DGKB: variants seen among roughly 807,000 people sequenced by gnomAD.
The protein encoded by DGKB is diacylglycerol kinase beta, also known as 90 kDa diacylglycerol kinase.
DGKB carries 67 observed loss-of-function variants against 114.3 expected under a neutral mutation model. The observed-to-expected ratio is 0.59, with a 90% CI of 0.48 to 0.72. DGKB has a LOEUF of 0.72. Ranked by LOEUF, DGKB falls within the 30% of genes least tolerant of loss-of-function variation. DGKB has a pLI of 0.00. For missense variants in DGKB, 907 were observed against 975.2 expected (o/e 0.93, Z 0.93); for synonymous variants, 398 against 323.1 (o/e 1.23, Z -2.49).
intron 23 of DGKB, among the ~76,000 whole-genome samples, chr7:14,260,050 AAAC>A (rs774180415): frequency 1.4e-4 from 21 of 150,986 alleles, no homozygotes; most frequent in Non-Finnish European, 2.8e-4. Flanking sequence ...TGCAGATTAA[AAAC>A]AAATTAAAAC....
intron 2 of DGKB, among the ~76,000 whole-genome samples, chr7:14,781,622 G>T (rs1839103374): frequency 6.6e-6 from 1 of 152,080 alleles, no homozygotes; most frequent in South Asian, 2.1e-4. Flanking sequence ...AGTTGTAATA[G>T]AAATTACTCA....
At chr7:14,773,014 A>G (rs1837642170) in intron 2 of DGKB, among the ~76,000 whole-genome samples, 1 of 152,158 alleles carries the variant, frequency 6.6e-6, no homozygotes, top group East Asian at 1.9e-4. Context: ...CTTGTCTCCT[A>G]TGTTGCTTTG....
In DGKB at chr7:14,736,036, C is replaced by T. The variant is rs747939036; in HGVS notation, c.322+5G>A. ...TATATAAATGTTTAAAGTAAGTAAA[C>T]TTACCGCCTGATAGGAGAGCAGGCT... On this transcript the variant is annotated splice_donor_5th_base_variant and intron_variant, in intron 5 of 25. Coordinates refer to ENST00000402815, the MANE Select transcript of DGKB (RefSeq NM_001350709.2). The T allele has an allele frequency of 6.4e-7, 1 of 1,570,488 alleles. No individual in the cohort carries two copies. The highest frequency in any genetic ancestry group is 8.6e-7 in the Non-Finnish European group (1 of 1,156,458).
At chr7:14,499,923 T>G (rs2128951648) in intron 20 of DGKB, among the ~76,000 whole-genome samples, 1 of 151,938 alleles carries the variant, frequency 6.6e-6, no homozygotes, top group Non-Finnish European at 1.5e-5. Flanking sequence ...GCGTTTTCTT[T>G]TAGGCATTGG....
chr7:14,698,553 T>C (rs1824516428), intron 7 of DGKB, among the ~76,000 whole-genome samples: 1 of 152,120 alleles, frequency 6.6e-6, no homozygotes, highest in Non-Finnish European at 1.5e-5. Context: ...GACAAATCAT[T>C]TGAGGACAAC....
At chr7:14,505,785 T>TGG (rs1786947599) in intron 20 of DGKB, among the ~76,000 whole-genome samples, 1 of 152,186 alleles carries the variant, frequency 6.6e-6, no homozygotes, top group African/African-American at 2.4e-5. Flanking sequence ...ACGCCAGTAA[T>TGG]TTGCTTCTTT....
chr7:14,902,168 A>T (rs1783192477), intron 1 of DGKB, among the ~76,000 whole-genome samples: 1 of 152,160 alleles, frequency 6.6e-6, no homozygotes, highest in Non-Finnish European at 1.5e-5. Flanking sequence ...TGTTTAGTTC[A>T]CAGATTAGGA....
intron 23 of DGKB, among the ~76,000 whole-genome samples, chr7:14,244,024 TGAGAGAGAGAGACAGA>T: frequency 6.7e-6 from 1 of 148,428 alleles, no homozygotes; most frequent in African/African-American, 2.4e-5. Flanking sequence ...TGAGAGATTC[TGAGAGAGAGAGACAGA>T]GAGAGAGAGA....
intron 20 of DGKB, among the ~76,000 whole-genome samples, chr7:14,488,939 T>A (rs1365513618): frequency 6.6e-6 from 1 of 151,490 alleles, no homozygotes; most frequent in Non-Finnish European, 1.5e-5. Flanking sequence ...AAATCTAAAA[T>A]GAAGAAAATT....
intron 1 of DGKB, among the ~76,000 whole-genome samples, chr7:14,868,589 T>C (rs1194312329): frequency 6.6e-6 from 1 of 151,966 alleles, no homozygotes; most frequent in Non-Finnish European, 1.5e-5. Flanking sequence ...AGACCTTCTA[T>C]GTGGAATAGT....
At chr7:14,899,211 A>C (rs1782589949) in intron 1 of DGKB, among the ~76,000 whole-genome samples, 1 of 151,920 alleles carries the variant, frequency 6.6e-6, no homozygotes, top group Non-Finnish European at 1.5e-5. Flanking sequence ...TTCCTGGCAA[A>C]TTTTCAGAAA....
At chr7:14,355,982 G>C (rs1047403977) in intron 21 of DGKB, among the ~76,000 whole-genome samples, 1 of 152,030 alleles carries the variant, frequency 6.6e-6, no homozygotes, top group Non-Finnish European at 1.5e-5. Context: ...TCACGGATTT[G>C]ACTTATTCCT....
intron 1 of DGKB, among the ~76,000 whole-genome samples, chr7:14,875,147 TAAC>T (rs1438824319): frequency 6.6e-6 from 1 of 151,944 alleles, no homozygotes; most frequent in Non-Finnish European, 1.5e-5. Flanking sequence ...ATAATAATAA[TAAC>T]AATAACAATA....
At position 14,829,199 on chromosome 7, in the gene DGKB, T is replaced by C. The variant is rs137995917; in HGVS notation, c.70+11995A>G. Among the ~76,000 whole-genome samples the C allele has an allele frequency of 1.1e-4, 17 of 152,218 alleles. No homozygotes were observed. In the East Asian group the frequency reaches 2.5e-3, roughly 23 times the overall value. On this transcript the variant is annotated intron_variant, in intron 2 of 25. Coordinates refer to ENST00000402815, the MANE Select transcript of DGKB (RefSeq NM_001350709.2). ...CTCCTCAAAAAGGCGCCCCACCTTC[T>C]GCTACCAGTGCTGTCTGCAAATTCT...
intron 21 of DGKB, among the ~76,000 whole-genome samples, chr7:14,459,229 T>C (rs1463921067): frequency 6.6e-6 from 1 of 151,844 alleles, no homozygotes; most frequent in Non-Finnish European, 1.5e-5. Flanking sequence ...AAAACTCCAA[T>C]CTCCCTGGAG....
At chr7:14,198,809 T>C (rs1785399424) in intron 23 of DGKB, among the ~76,000 whole-genome samples, 1 of 151,872 alleles carries the variant, frequency 6.6e-6, no homozygotes, top group South Asian at 2.1e-4. Flanking sequence ...ACTTTAAATG[T>C]TGGATTTGGA....
At chr7:14,709,769 G>T (rs1200976798) in intron 6 of DGKB, among the ~76,000 whole-genome samples, 1 of 140,298 alleles carries the variant, frequency 7.1e-6, no homozygotes, top group Non-Finnish European at 1.5e-5. Flanking sequence ...TGAACAATGA[G>T]ATCACATGGA....
intron 23 of DGKB, among the ~76,000 whole-genome samples, chr7:14,313,322 C>T (rs529650929): frequency 2.6e-5 from 4 of 152,066 alleles, no homozygotes; most frequent in Non-Finnish European, 5.9e-5. Context: ...GCCTGAGCGA[C>T]GCAGAAGACG....
intron 1 of DGKB, among the ~76,000 whole-genome samples, chr7:14,964,931 C>T (rs540623059): frequency 5.3e-5 from 8 of 151,916 alleles, no homozygotes; most frequent in Admixed American, 3.9e-4. Flanking sequence ...ACAATGATTA[C>T]AATTTGAATA....
Sources: gnomAD v4.1 joint callset for allele counts (sites outside exome capture counted in the v4.1 genomes callset) on GRCh38, gnomAD v4.1.1 for gene constraint, MANE v1.5 for transcripts, NCBI Gene and HGNC (gene_info 2026-07-23, HGNC 2026-07-21) for gene names.